SECISBP2: variants seen among roughly 807,000 people sequenced by gnomAD.
SECISBP2 encodes the protein SECIS binding protein 2.
SECISBP2 carries 96 observed loss-of-function variants against 98.2 expected under a neutral mutation model. That is an observed-to-expected ratio of 0.98 (90% CI 0.83 to 1.16). The LOEUF is 1.16. Among genes scored for constraint, SECISBP2 ranks in the 50% most tolerant of loss-of-function variants. The pLI is 0.00. For synonymous variants in SECISBP2, 407 were observed against 370.2 expected, an observed-to-expected ratio of 1.10 and a Z score of -1.14; for missense variants, 1,046 against 1,022.9, an observed-to-expected ratio of 1.02 and a Z score of -0.31.
At chr9:89,332,884 A>T in intron 5 of SECISBP2, 24 bp from the exon 6 acceptor site, 1 of 1,572,684 alleles carries the variant, frequency 6.4e-7, no homozygotes, top group Non-Finnish European at 8.8e-7. Flanking sequence ...TTCTCTGATG[A>T]CATCTAATGT....
At chr9:89,330,281 T>C (rs1319972614) in intron 5 of SECISBP2, 1 of 152,212 alleles carries the variant, frequency 6.6e-6, no homozygotes, top group Non-Finnish European at 1.5e-5. Flanking sequence ...TCTCAGAGTT[T>C]TAGTCCACCA....
In SECISBP2 at chr9:89,359,031, A is replaced by C; in HGVS notation, c.*207A>C. On this transcript the variant is annotated 3_prime_UTR_variant, in exon 17 of 17. Coordinates refer to ENST00000375807, the MANE Select transcript of SECISBP2 (RefSeq NM_024077.5). ...AAGGTCACTCAGATGTGCAGGTGTT[A>C]ATCTTCTCTAAAAGCCTGGTGATAC... 1.7e-6 allele frequency: 1 copy of C among 576,880 alleles called. No homozygotes were observed. Among genetic ancestry groups the C allele is most frequent in the Non-Finnish European group, 3.1e-6 (1 of 324,596 alleles). The allele number at this position is 576,880 out of a possible 1,614,324, so 35.7% of individuals were successfully genotyped here. A position where few individuals can be genotyped will look rare whatever the true frequency, so the allele number is the denominator to read the frequency against.
rs149502927 is a variant in SECISBP2, at chr9:89,335,340, A to G, written c.1089+610A>G. On this transcript the variant is annotated intron_variant, in intron 7 of 16. Transcript: ENST00000375807. Reference sequence around the variant, plus strand: ...ACGTTGATTTTCTGTGCCACTGAATAGTCTTTGTTTTTTAGATGGGGTCTC... The same window carrying G: ...ACGTTGATTTTCTGTGCCACTGAATGGTCTTTGTTTTTTAGATGGGGTCTC... 2.4e-4 allele frequency among the ~76,000 whole-genome samples: 36 copies of G among 151,680 alleles called. No individual in the cohort carries two copies. In the East Asian group the frequency reaches 4.9e-3, roughly 21 times the overall value.
Position 89,319,666 on chromosome 9 carries a change from A to G in SECISBP2, c.51A>G (p.Ser17=). Residue 17 remains serine, a synonymous_variant, in exon 2 of 17, where the codon TCA becomes TCG. Transcript: ENST00000375807. The part of the protein sequence containing the change: ...REPESEGIKL[S]ADVKPFVPRF... ...TTTTTCCTCAGGGCATCAAGTTATC[A>G]GCAGATGTCAAACCATTTGTCCCCA... 1 of 1,614,222 alleles carries G rather than the reference A, an allele frequency of 6.2e-7. No homozygotes were observed. The highest frequency in any genetic ancestry group is 8.5e-7 in the Non-Finnish European group (1 of 1,180,034).
At chr9:89,339,775 A>C in intron 8 of SECISBP2, 89 bp from the exon 9 acceptor site, 1 of 920,650 alleles carries the variant, frequency 1.1e-6, no homozygotes, top group East Asian at 2.4e-5. Flanking sequence ...AAGGGACCTT[A>C]CTGAAGAATG....
intron 9 of SECISBP2, 139 bp downstream of exon 9, chr9:89,340,092 C>G: frequency 1.5e-6 from 1 of 656,148 alleles, no homozygotes; most frequent in South Asian, 1.6e-5. Context: ...CATGAGAGAA[C>G]TGCACCCAGC....
At chr9:89,360,787 T>C (rs1455938179), downstream of SECISBP2, 1 of 152,218 alleles carries the variant, frequency 6.6e-6, no homozygotes, top group Non-Finnish European at 1.5e-5. Flanking sequence ...GTCATTTAAC[T>C]GAACAATGTA....
intron 12 of SECISBP2, among the ~76,000 whole-genome samples, chr9:89,348,609 T>C (rs1008240448): frequency 1.3e-5 from 2 of 152,252 alleles, no homozygotes; most frequent in African/African-American, 2.4e-5. Context: ...TATTCAGTTA[T>C]ACATTCAGAA....
At chr9:89,348,575 TTG>T (rs1297888519) in intron 12 of SECISBP2, among the ~76,000 whole-genome samples, 3 of 152,210 alleles carry the variant, frequency 2.0e-5, no homozygotes, top group South Asian at 4.1e-4. Context: ...GTGAACACAA[TTG>T]TGTGTTTTTA....
At chr9:89,331,627 C>T (rs1448424263) in intron 5 of SECISBP2, among the ~76,000 whole-genome samples, 1 of 152,200 alleles carries the variant, frequency 6.6e-6, no homozygotes, top group Admixed American at 6.5e-5. Context: ...ATATGTGAGA[C>T]AGCCTTCTGT....
chr9:89,356,429 T>C (rs1453909224), intron 14 of SECISBP2: 1 of 152,260 alleles, frequency 6.6e-6, no homozygotes, highest in Non-Finnish European at 1.5e-5. Flanking sequence ...TGCAGGAGCA[T>C]AGGTGCCTTT....
chr9:89,318,855 AG>A, intron 1 of SECISBP2: 1 of 1,265,934 alleles, frequency 7.9e-7, no homozygotes, highest in Non-Finnish European at 9.9e-7. Flanking sequence ...GATGTCACCC[AG>A]CGCAGTGACT....
chr9:89,364,307 C>T, downstream of SECISBP2: 1 of 371,556 alleles, frequency 2.7e-6, no homozygotes, highest in South Asian at 2.3e-5. Flanking sequence ...CCTGCTGCCA[C>T]ACACATGTCC....
At chr9:89,365,319 T>A in the SECISBP2 span, 1 of 152,332 alleles carries the variant, frequency 6.6e-6, no homozygotes, top group Admixed American at 6.5e-5. Flanking sequence ...CCTACTCTGC[T>A]GCTTCTGTCT....
intron 7 of SECISBP2, among the ~76,000 whole-genome samples, chr9:89,334,952 C>G (rs377571909): frequency 6.6e-6 from 1 of 152,150 alleles, no homozygotes; most frequent in Non-Finnish European, 1.5e-5. Flanking sequence ...CGGTGGCTTA[C>G]GCCTGTAATC....
In SECISBP2 at chr9:89,348,452, C is replaced by T. The variant is rs1048715764; in HGVS notation, c.1738+238C>T. ...GGACAGAGGTGAGGATCCTCCCTTC[C>T]CACCAGGTTTGATCTGTGTGATGCT... On this transcript the variant is annotated intron_variant, in intron 12 of 16. Coordinates refer to ENST00000375807, the MANE Select transcript of SECISBP2 (RefSeq NM_024077.5). 6.6e-5 allele frequency among the ~76,000 whole-genome samples: 10 copies of T among 152,140 alleles called. No individual in the cohort carries two copies. The South Asian group carries it at 8.3e-4, about 13-fold the overall frequency.
At chr9:89,344,260 C>G (rs1274801901) in intron 10 of SECISBP2, among the ~76,000 whole-genome samples, 1 of 152,122 alleles carries the variant, frequency 6.6e-6, no homozygotes, top group Non-Finnish European at 1.5e-5. Flanking sequence ...ATTCTGTAGG[C>G]TGTCTGTTCA....
chr9:89,366,057 A>G, the SECISBP2 span, among the ~76,000 whole-genome samples: 1 of 152,196 alleles, frequency 6.6e-6, no homozygotes, highest in Admixed American at 6.5e-5. Context: ...GGGCCCAGTG[A>G]AGCCCTGTTT....
rs1832473401 is a variant in SECISBP2 at position 89,358,669 on chromosome 9, T to C, written c.2462-52T>C. ...CATGCTGCTGGTTTTCTTACAGGAG[T>C]TTTCCTACTTGTTGATGCCTATTCC... is the stretch of plus-strand genomic sequence containing the variant. On this transcript the variant is annotated intron_variant, in intron 16 of 16. Coordinates refer to ENST00000375807, the MANE Select transcript of SECISBP2 (RefSeq NM_024077.5). 6.5e-6 allele frequency: 8 copies of C among 1,238,986 alleles called. No individual in the cohort carries two copies. The Admixed American group carries it at 1.4e-4, about 21-fold the overall frequency. The allele number at this position is 1,238,986 out of a possible 1,614,324, so 76.7% of individuals were successfully genotyped here.
Sources: allele counts gnomAD v4.1 joint callset (sites outside exome capture counted in the v4.1 genomes callset), GRCh38; gene constraint gnomAD v4.1.1; transcripts MANE v1.5; gene names NCBI Gene and HGNC (gene_info 2026-07-23, HGNC 2026-07-21).